The following LRGUK variants were observed in gnomAD, a reference collection of about 807,000 sequenced individuals.
LRGUK encodes the protein leucine rich repeats and guanylate kinase domain containing.
A neutral mutation model predicts 76.0 loss-of-function variants in LRGUK; 65 were observed. That is an observed-to-expected ratio of 0.85 (90% confidence interval 0.70 to 1.05). The LOEUF is 1.05. Among genes scored for constraint, LRGUK ranks in the 50% least tolerant of loss-of-function variants. The pLI, the probability that LRGUK is intolerant of heterozygous loss-of-function variation, is 0.00. For synonymous variants in LRGUK, 268 were observed against 265.6 expected (o/e 1.01, Z -0.09); for missense variants, 758 against 732.8 (o/e 1.03, Z -0.40).
chr7:134,257,651 C>G (rs1382159890), intron 18 of LRGUK, among the ~76,000 whole-genome samples: 2 of 152,116 alleles, frequency 1.3e-5, no homozygotes, highest in African/African-American at 4.8e-5. Flanking sequence ...ACTAAAAATA[C>G]AAAAATTAGC....
At chr7:134,128,708 C>T (rs1797142342) in intron 1 of LRGUK, among the ~76,000 whole-genome samples, 1 of 152,136 alleles carries the variant, frequency 6.6e-6, no homozygotes, top group Non-Finnish European at 1.5e-5. Flanking sequence ...TGCCACCATG[C>T]CCAGCTAATT....
intron 7 of LRGUK, among the ~76,000 whole-genome samples, chr7:134,167,024 G>C (rs1361611825): frequency 6.6e-6 from 1 of 152,196 alleles, no homozygotes; most frequent in Non-Finnish European, 1.5e-5. Context: ...AGTCCTTGGG[G>C]CCTCCAGGGG....
At chr7:134,249,601 C>A (rs999682540) in intron 18 of LRGUK, among the ~76,000 whole-genome samples, 1 of 152,092 alleles carries the variant, frequency 6.6e-6, no homozygotes, top group Non-Finnish European at 1.5e-5. Flanking sequence ...TGCAACCAAC[C>A]ATTCTGATTA....
chr7:134,189,135 G>T (rs920138654), intron 11 of LRGUK, among the ~76,000 whole-genome samples: 1 of 152,144 alleles, frequency 6.6e-6, no homozygotes, highest in Non-Finnish European at 1.5e-5. Flanking sequence ...GGAGTCTGGG[G>T]TTCATCTCTA....
At chr7:134,136,883 T>C in intron 1 of LRGUK, 140 bp from the exon 2 acceptor site, 1 of 622,204 alleles carries the variant, frequency 1.6e-6, no homozygotes, top group Non-Finnish European at 2.8e-6. Context: ...CAACACAGAA[T>C]TTTTTTGGGG....
chr7:134,197,549 C>T (rs1259533807), intron 13 of LRGUK, among the ~76,000 whole-genome samples: 1 of 152,178 alleles, frequency 6.6e-6, no homozygotes, highest in Non-Finnish European at 1.5e-5. Flanking sequence ...GGTTCCCCAT[C>T]CCCTCAGGAC....
chr7:134,200,572 TA>T (rs11305886), intron 14 of LRGUK, among the ~76,000 whole-genome samples: 5,934 of 152,128 alleles, frequency 0.039, 240 homozygotes, highest in East Asian at 0.15. Context: ...GATTACCTCT[TA>T]GGGGGAAGGG....
chr7:134,239,592 C>T (rs1260916088), intron 16 of LRGUK, among the ~76,000 whole-genome samples: 1 of 152,230 alleles, frequency 6.6e-6, no homozygotes, highest in Non-Finnish European at 1.5e-5. Context: ...TCAAGGAGGC[C>T]TGCCTGCCTC....
At chr7:134,235,912 C>G (rs932067032) in intron 16 of LRGUK, among the ~76,000 whole-genome samples, 2 of 152,086 alleles carry the variant, frequency 1.3e-5, no homozygotes, top group African/African-American at 4.8e-5. Flanking sequence ...CAGTAAGTGT[C>G]AATATTATAT....
intron 15 of LRGUK, among the ~76,000 whole-genome samples, chr7:134,204,903 G>C (rs1800937470): frequency 6.6e-6 from 1 of 152,180 alleles, no homozygotes; most frequent in Non-Finnish European, 1.5e-5. Context: ...AGTGTGTCCA[G>C]AGTTGGTTCC....
At chr7:134,161,939 G>C (rs987598140) in intron 6 of LRGUK, among the ~76,000 whole-genome samples, 4 of 152,090 alleles carry the variant, frequency 2.6e-5, no homozygotes, top group Admixed American at 2.0e-4. Flanking sequence ...TGATCCGCCT[G>C]CCGCAGCCTC....
At chr7:134,151,121 G>A (rs1021398999) in intron 5 of LRGUK, among the ~76,000 whole-genome samples, 2 of 152,128 alleles carry the variant, frequency 1.3e-5, no homozygotes, top group African/African-American at 2.4e-5. Context: ...TATTGTGCAT[G>A]ATACAGGTGG....
At chr7:134,254,102 T>C (rs1287292940) in intron 18 of LRGUK, among the ~76,000 whole-genome samples, 2 of 152,206 alleles carry the variant, frequency 1.3e-5, no homozygotes, top group African/African-American at 2.4e-5. Flanking sequence ...AAATAATGTT[T>C]AATCTTGCTT....
intron 16 of LRGUK, among the ~76,000 whole-genome samples, chr7:134,231,172 G>A (rs1801879808): frequency 1.3e-5 from 2 of 152,220 alleles, no homozygotes; most frequent in South Asian, 4.1e-4. Flanking sequence ...TGAAGAGAGT[G>A]AGGATCATGG....
At chr7:134,213,283 G>A (rs1031854737), downstream of LRGUK, among the ~76,000 whole-genome samples, 1 of 152,142 alleles carries the variant, frequency 6.6e-6, no homozygotes, top group African/African-American at 2.4e-5. Context: ...GGATGAATTT[G>A]AGGAGAGCAA....
intron 16 of LRGUK, among the ~76,000 whole-genome samples, chr7:134,223,910 A>G (rs112242617): frequency 1.3e-4 from 20 of 152,208 alleles, no homozygotes; most frequent in South Asian, 8.3e-4. Flanking sequence ...GCATGAGTCA[A>G]TGAGCCCAGC....
chr7:134,261,180 A>G (rs1868784), intron 19 of LRGUK, among the ~76,000 whole-genome samples: 65,618 of 151,868 alleles, frequency 0.43, 14,622 homozygotes, highest in South Asian at 0.57. Context: ...GATATACTGT[A>G]GTGGTTTTCT....
chr7:134,185,480 A>C (rs930684368), intron 11 of LRGUK, among the ~76,000 whole-genome samples: 1 of 151,254 alleles, frequency 6.6e-6, no homozygotes, highest in South Asian at 2.1e-4. Context: ...AGAATCCAAG[A>C]TTGTGCCATT....
exon 20 of LRGUK, chr7:134,264,147 T>A: frequency 3.6e-6 from 2 of 552,598 alleles, no homozygotes; most frequent in Non-Finnish European, 5.6e-6. Context: ...CTTTGGCTGG[T>A]GTCTTTTAGT....
Sources: allele counts gnomAD v4.1 joint callset (sites outside exome capture counted in the v4.1 genomes callset), GRCh38; gene constraint gnomAD v4.1.1; transcripts MANE v1.5; gene names NCBI Gene and HGNC (gene_info 2026-07-23, HGNC 2026-07-21).